The following TTLL7 variants were observed in gnomAD, a reference collection of about 807,000 sequenced individuals.
TTLL7 encodes tubulin polyglutamylase TTLL7.
In TTLL7, 53 loss-of-function variants were observed where a neutral mutation model predicts 120.2. The ratio of observed to expected loss-of-function variants is 0.44; its 90% CI spans 0.35 to 0.55. TTLL7 has a LOEUF of 0.55. Ranked by LOEUF, TTLL7 falls within the 20% of genes least tolerant of loss-of-function variation. The pLI is 0.00. For synonymous variants in TTLL7, 353 were observed against 351.7 expected (o/e 1.00, Z -0.04); for missense variants, 803 against 1,054.7 (o/e 0.76, Z 3.31).
At chr1:83,931,398 T>TC (rs1307527684) in intron 9 of TTLL7, among the ~76,000 whole-genome samples, 2 of 151,878 alleles carry the variant, frequency 1.3e-5, no homozygotes, top group African/African-American at 4.8e-5. Flanking sequence ...TTTATCTCTC[T>TC]CAGCCCCCAG....
At chr1:83,933,788 A>T in intron 8 of TTLL7, 22 bp from the exon 9 acceptor site, 1 of 1,591,622 alleles carries the variant, frequency 6.3e-7, no homozygotes, top group South Asian at 1.1e-5. Context: ...TGATAAAAGA[A>T]GTGAAAATGC....
chr1:83,989,096 T>C (rs1557816384), intron 1 of TTLL7, among the ~76,000 whole-genome samples: 3 of 152,218 alleles, frequency 2.0e-5, no homozygotes, highest in South Asian at 2.1e-4. Flanking sequence ...GTCACATACA[T>C]AGTTTGCAGG....
chr1:83,957,475 A>C (rs1326770224), intron 1 of TTLL7, among the ~76,000 whole-genome samples: 1 of 152,202 alleles, frequency 6.6e-6, no homozygotes, highest in East Asian at 1.9e-4. Flanking sequence ...GGAAGGAGAA[A>C]AGAACCAGTA....
At chr1:83,899,896 T>A (rs934123524) in intron 18 of TTLL7, among the ~76,000 whole-genome samples, 18 of 152,084 alleles carry the variant, frequency 1.2e-4, no homozygotes, top group African/African-American at 4.3e-4. Flanking sequence ...AGAGATTACA[T>A]AAAAATAGTT....
At chr1:83,990,336 C>T (rs1051670462) in intron 1 of TTLL7, among the ~76,000 whole-genome samples, 23 of 152,062 alleles carry the variant, frequency 1.5e-4, no homozygotes, top group Non-Finnish European at 2.8e-4. Context: ...CCACTGCGCC[C>T]GGCTAATTTT....
At chr1:83,897,667 C>T (rs1362395918) in intron 18 of TTLL7, among the ~76,000 whole-genome samples, 2 of 151,884 alleles carry the variant, frequency 1.3e-5, no homozygotes, top group Non-Finnish European at 2.9e-5. Context: ...CACTGTGATC[C>T]CTTCAACAGC....
chr1:83,887,280 C>A (rs1027660439), intron 19 of TTLL7: 2 of 1,169,312 alleles, frequency 1.7e-6, no homozygotes, highest in Non-Finnish European at 2.2e-6. Context: ...AGATTTTACA[C>A]GTAACTGTGA....
At chr1:83,870,699 T>C (rs1183991804) in intron 20 of TTLL7, among the ~76,000 whole-genome samples, 2 of 151,940 alleles carry the variant, frequency 1.3e-5, no homozygotes, top group East Asian at 1.9e-4. Context: ...TCATCTGAGG[T>C]TGGGAGTTCA....
At chr1:83,978,310 T>A (rs1340925184) in intron 1 of TTLL7, among the ~76,000 whole-genome samples, 1 of 152,182 alleles carries the variant, frequency 6.6e-6, no homozygotes, top group Non-Finnish European at 1.5e-5. Context: ...AGCTTCCCAA[T>A]CCTTTTTAGC....
chr1:83,887,287 G>T, intron 19 of TTLL7: 2 of 1,110,180 alleles, frequency 1.8e-6, no homozygotes, highest in Non-Finnish European at 2.4e-6. Flanking sequence ...ACACGTAACT[G>T]TGAAAGAAAG....
chr1:83,893,218 C>A (rs1352706516), intron 18 of TTLL7, among the ~76,000 whole-genome samples: 1 of 151,854 alleles, frequency 6.6e-6, no homozygotes, highest in Non-Finnish European at 1.5e-5. Context: ...ACAAACCAAT[C>A]ATGAAAGAGT....
intron 13 of TTLL7, among the ~76,000 whole-genome samples, chr1:83,918,513 T>C (rs1658376129): frequency 6.6e-6 from 1 of 152,158 alleles, no homozygotes; most frequent in South Asian, 2.1e-4. Flanking sequence ...TTACTCTTTG[T>C]CCCAATCTAA....
intron 20 of TTLL7, among the ~76,000 whole-genome samples, chr1:83,872,460 T>G (rs1314148767): frequency 1.3e-5 from 2 of 152,194 alleles, no homozygotes; most frequent in African/African-American, 4.8e-5. Flanking sequence ...CCTTCCTATC[T>G]AGGGCAAAGT....
intron 1 of TTLL7, among the ~76,000 whole-genome samples, chr1:83,985,698 TA>T (rs1225802209): frequency 6.6e-6 from 1 of 151,666 alleles, no homozygotes; most frequent in Non-Finnish European, 1.5e-5. Flanking sequence ...AATAAATAAA[TA>T]AATAAATAAA....
intron 18 of TTLL7, among the ~76,000 whole-genome samples, chr1:83,892,609 T>TGAACATATGAATGAACATATGA: frequency 8.3e-6 from 1 of 120,830 alleles, no homozygotes; most frequent in East Asian, 2.3e-4. Flanking sequence ...TGAACATATA[T>TGAACATATGAATGAACATATGA]ATGAACATAT....
intron 9 of TTLL7, among the ~76,000 whole-genome samples, 191 bp downstream of exon 9, chr1:83,933,417 A>G (rs1659768670): frequency 6.6e-6 from 1 of 152,220 alleles, no homozygotes; most frequent in African/African-American, 2.4e-5. Flanking sequence ...GAAAAGTAAT[A>G]TCAAACACTG....
At chr1:83,936,793 A>T (rs1336860821) in intron 8 of TTLL7, among the ~76,000 whole-genome samples, 2 of 142,204 alleles carry the variant, frequency 1.4e-5, no homozygotes, top group African/African-American at 5.2e-5. Flanking sequence ...ATTTATCAAC[A>T]AATTAGAAGA....
rs1406073027 is a variant in TTLL7 at position 83,866,074 on chromosome 1, A to G, written c.*3888T>C. 2.0e-5 allele frequency: 3 copies of G among 151,934 alleles called. No individual in the cohort carries two copies. The highest frequency in any genetic ancestry group is 4.4e-5 in the Non-Finnish European group (3 of 67,790). 9.4% of individuals were successfully genotyped at this position (151,934 alleles called of 1,614,324 possible). A position where few individuals can be genotyped will look rare whatever the true frequency, so the allele number is the denominator to read the frequency against. On this transcript the variant is annotated 3_prime_UTR_variant, in exon 21 of 21. Transcript: ENST00000260505. ...AGAACACAATTAATTGTACAGTTAT[A>G]CATTTTATTTAACCCCTATGACCAT...
intron 6 of TTLL7, among the ~76,000 whole-genome samples, chr1:83,944,881 C>T (rs1557702321): frequency 6.6e-6 from 1 of 152,174 alleles, no homozygotes; most frequent in East Asian, 1.9e-4. Flanking sequence ...GGGAGTAAAT[C>T]TATGTAGGAA....
Sources: gnomAD v4.1 joint callset for allele counts (sites outside exome capture counted in the v4.1 genomes callset) on GRCh38, gnomAD v4.1.1 for gene constraint, MANE v1.5 for transcripts, NCBI Gene and HGNC (gene_info 2026-07-23, HGNC 2026-07-21) for gene names.